The following PCDHA3 variants were observed in gnomAD, a reference collection of about 807,000 sequenced individuals.
PCDHA3 encodes the protein protocadherin alpha-3.
PCDHA3 carries 41 observed loss-of-function variants against 62.2 expected under a neutral mutation model. The observed-to-expected ratio is 0.66, with a 90% confidence interval of 0.51 to 0.86. The LOEUF is 0.86. Ranked by LOEUF, PCDHA3 falls within the 40% of genes least tolerant of loss-of-function variation. PCDHA3 has a pLI of 0.00. For synonymous variants in PCDHA3, 640 were observed against 555.4 expected (o/e 1.15, Z -2.14); for missense variants, 1,304 against 1,241.2 (o/e 1.05, Z -0.76).
chr5:140,948,150 T>C (rs1477987526), intron 1 of PCDHA3, among the ~76,000 whole-genome samples: 2 of 151,642 alleles, frequency 1.3e-5, no homozygotes, highest in Non-Finnish European at 3.0e-5. Flanking sequence ...TTTTTGAATG[T>C]TGGAAAAAAC....
intron 1 of PCDHA3, among the ~76,000 whole-genome samples, chr5:140,933,686 C>T (rs186587135): frequency 6.6e-6 from 1 of 151,890 alleles, no homozygotes; most frequent in Non-Finnish European, 1.5e-5. Flanking sequence ...ATTTTTTTTC[C>T]TATTCCTCGG....
rs201868516 is a variant in PCDHA3 at position 140,843,396 on chromosome 5, C to A, written c.2394+39805C>A. 27 of 1,595,918 alleles carry A rather than the reference C, an allele frequency of 1.7e-5. 6 individuals carry two copies. Among genetic ancestry groups the A allele is most frequent in the Non-Finnish European group, 2.3e-5 (27 of 1,165,594 alleles). ...GCTGGCGTTTTGGGTCCGGAAGCGGCGCTGGTGGATGTCAACGTGTACCTG... is the reference window on the plus strand; with the variant it reads ...GCTGGCGTTTTGGGTCCGGAAGCGGAGCTGGTGGATGTCAACGTGTACCTG... On this transcript the variant is annotated intron_variant, in intron 1 of 3. Coordinates refer to ENST00000522353, the MANE Select transcript of PCDHA3 (RefSeq NM_018906.3).
chr5:140,850,016 C>A, intron 1 of PCDHA3: 1 of 1,596,912 alleles, frequency 6.3e-7, no homozygotes. Context: ...TGTCGAGCTA[C>A]GTGTCAGTGC....
intron 1 of PCDHA3, among the ~76,000 whole-genome samples, chr5:140,943,273 A>G (rs1451221832): frequency 1.3e-5 from 2 of 150,472 alleles, no homozygotes; most frequent in East Asian, 1.9e-4. Flanking sequence ...AAAAAAAAAA[A>G]AAAAGAAAGA....
intron 1 of PCDHA3, among the ~76,000 whole-genome samples, chr5:140,922,606 T>C (rs1394298971): frequency 2.6e-5 from 4 of 152,176 alleles, no homozygotes; most frequent in African/African-American, 9.7e-5. Context: ...GTTGAAGATA[T>C]ATTAAAACTA....
intron 2 of PCDHA3, among the ~76,000 whole-genome samples, chr5:140,979,714 T>G (rs1428916313): frequency 4.6e-5 from 7 of 152,270 alleles, no homozygotes; most frequent in African/African-American, 1.7e-4. Context: ...TGATCCAGTA[T>G]CCATGCCATG....
chr5:140,808,824 G>A lies in PCDHA3; in HGVS notation c.2394+5233G>A, dbSNP rs142005186. On this transcript the variant is annotated intron_variant, in intron 1 of 3. Coordinates refer to ENST00000522353, the MANE Select transcript of PCDHA3 (RefSeq NM_018906.3). Reference sequence around the variant, plus strand: ...CGCGATGCCGGCGTGCCACCTCTGGGCAGCAACGTGACGCTGCAGGTGTTC... The same window carrying A: ...CGCGATGCCGGCGTGCCACCTCTGGACAGCAACGTGACGCTGCAGGTGTTC... 43 of 1,612,884 alleles carry A rather than the reference G, an allele frequency of 2.7e-5. No homozygotes were observed. In the African/African-American group the frequency reaches 5.2e-4, roughly 19 times the overall value.
chr5:141,010,233 G>C lies in PCDHA3; in HGVS notation c.*296G>C, dbSNP rs1156230400. ...AAGGAGAGGCTTCCCAGCCCCGCCA[G>C]TGAGAGGTTGGACTCTCTGCCCTGT... On this transcript the variant is annotated 3_prime_UTR_variant, in exon 4 of 4. Transcript: ENST00000522353. 1.9e-6 allele frequency: 3 copies of C among 1,551,812 alleles called. No homozygotes were observed. The highest frequency in any genetic ancestry group is 2.6e-6 in the Non-Finnish European group (3 of 1,147,042).
chr5:140,807,094 T>A, intron 1 of PCDHA3: 1 of 1,376,084 alleles, frequency 7.3e-7, no homozygotes. Context: ...GTCTGAAATA[T>A]GGAGGATGCA....
chr5:141,001,286 A>G (rs1375093882), intron 3 of PCDHA3, among the ~76,000 whole-genome samples: 1 of 152,160 alleles, frequency 6.6e-6, no homozygotes, highest in Non-Finnish European at 1.5e-5. Context: ...TACGGATGAA[A>G]ACTGAGGCCC....
intron 1 of PCDHA3, among the ~76,000 whole-genome samples, chr5:140,971,657 G>A (rs961666289): frequency 1.3e-5 from 2 of 151,992 alleles, no homozygotes; most frequent in African/African-American, 4.8e-5. Flanking sequence ...AAGTAGATGG[G>A]AATTAGAGAG....
intron 1 of PCDHA3, among the ~76,000 whole-genome samples, chr5:140,895,524 G>A (rs891938988): frequency 2.3e-4 from 35 of 152,128 alleles, no homozygotes; most frequent in African/African-American, 7.2e-4. Context: ...TGGTTTATTC[G>A]TTTTTCAATT....
In PCDHA3 at chr5:140,843,265, G is replaced by T. The variant is rs2150356257; in HGVS notation, c.2394+39674G>T. ...CGGACTCTCCGCGCCACCGTCTGCT[G>T]GTCCTGGTGAAGGATCATGGTGAAC... On this transcript the variant is annotated intron_variant, in intron 1 of 3. Transcript: ENST00000522353. 33 of 1,595,976 alleles carry T rather than the reference G, an allele frequency of 2.1e-5. 4 individuals are homozygous for T. Among genetic ancestry groups the T allele is most frequent in the Non-Finnish European group, 2.7e-5 (32 of 1,165,590 alleles).
chr5:140,853,754 A>C, intron 1 of PCDHA3: 1 of 988,728 alleles, frequency 1.0e-6, no homozygotes, highest in Non-Finnish European at 1.2e-6. Flanking sequence ...TCAAGGCTCC[A>C]CCTCAGAAAT....
chr5:140,873,097 A>G (rs578070341), intron 1 of PCDHA3, among the ~76,000 whole-genome samples: 173 of 152,330 alleles, frequency 1.1e-3, no homozygotes, highest in African/African-American at 4.0e-3. Context: ...GTATAGAGGC[A>G]TAACATACCA....
At chr5:140,985,228 C>T (rs1022229644) in intron 3 of PCDHA3, among the ~76,000 whole-genome samples, 2 of 152,156 alleles carry the variant, frequency 1.3e-5, no homozygotes, top group Admixed American at 6.5e-5. Flanking sequence ...TGAGCCACCG[C>T]GCCTGGCCTA....
chr5:140,815,194 T>C (rs1305192129), intron 1 of PCDHA3: 2 of 152,176 alleles, frequency 1.3e-5, no homozygotes, highest in African/African-American at 4.8e-5. Flanking sequence ...TTTAAAGTAA[T>C]TATTGATAGG....
rs782133433 is a variant in PCDHA3, at chr5:140,802,580, G to T, written c.1383G>T (p.Thr461=). Residue 461 remains threonine (T), a synonymous_variant, in exon 1 of 4, where the codon ACG becomes ACT. Transcript: ENST00000522353. ...NAPAFSQSEY[T]VFVKENNPPG... The stretch of plus-strand genomic sequence containing the variant: ...CGGCATTCTCGCAGTCCGAGTACAC[G>T]GTGTTCGTGAAGGAGAACAACCCGC... 4 of 1,613,812 alleles carry T rather than the reference G, an allele frequency of 2.5e-6. No homozygotes were observed. The South Asian group carries it at 3.3e-5, about 13-fold the overall frequency.
intron 1 of PCDHA3, chr5:140,967,401 G>T (rs374310490): frequency 1.2e-6 from 2 of 1,611,944 alleles, no homozygotes; most frequent in Non-Finnish European, 1.7e-6. Flanking sequence ...CTGGTGCTGC[G>T]TAAGGGCCTA....
Sources: gnomAD v4.1 joint callset for allele counts (sites outside exome capture counted in the v4.1 genomes callset) on GRCh38, gnomAD v4.1.1 for gene constraint, MANE v1.5 for transcripts, NCBI Gene and HGNC (gene_info 2026-07-23, HGNC 2026-07-21) for gene names.